The following ATRNL1 variants were observed in gnomAD, a reference collection of about 807,000 sequenced individuals.
ATRNL1 encodes the protein attractin like 1, also known as attractin-like protein 1.
ATRNL1 carries 95 observed loss-of-function variants against 182.7 expected under a neutral mutation model. That is an observed-to-expected ratio of 0.52 (90% CI 0.44 to 0.62). The LOEUF is 0.62. ATRNL1 is among the 20% of genes least tolerant of loss of function. The pLI is 0.00. For synonymous variants in ATRNL1, 576 were observed against 568.3 expected, an observed-to-expected ratio of 1.01 and a Z score of -0.19; for missense variants, 1,471 against 1,679.5, an observed-to-expected ratio of 0.88 and a Z score of 2.17.
intron 27 of ATRNL1, among the ~76,000 whole-genome samples, chr10:115,788,522 T>C (rs1006467511): frequency 6.6e-6 from 1 of 152,204 alleles, no homozygotes; most frequent in Non-Finnish European, 1.5e-5. Context: ...CTAATTATAT[T>C]TCTAGTTGCC....
chr10:115,721,162 A>G (rs1388860014), intron 26 of ATRNL1, among the ~76,000 whole-genome samples: 1 of 152,198 alleles, frequency 6.6e-6, no homozygotes, highest in Non-Finnish European at 1.5e-5. Context: ...TGCCAGGTCT[A>G]AAAATCTGTG....
intron 19 of ATRNL1, among the ~76,000 whole-genome samples, chr10:115,385,322 A>G (rs1858275197): frequency 6.6e-6 from 1 of 152,038 alleles, no homozygotes; most frequent in African/African-American, 2.4e-5. Context: ...ATATCTTTTC[A>G]TGTGTTTATT....
intron 24 of ATRNL1, among the ~76,000 whole-genome samples, chr10:115,503,033 C>A (rs1375162632): frequency 7.9e-5 from 12 of 152,052 alleles, no homozygotes; most frequent in Admixed American, 7.9e-4. Context: ...TTTACCGGGC[C>A]TGAAGATAAG....
intron 25 of ATRNL1, among the ~76,000 whole-genome samples, chr10:115,534,464 T>G (rs1787873564): frequency 6.6e-6 from 1 of 152,280 alleles, no homozygotes; most frequent in Non-Finnish European, 1.5e-5. Context: ...TTGGCAGATC[T>G]TCCTCCATCC....
At chr10:115,279,632 A>T (rs1444805730) in intron 13 of ATRNL1, among the ~76,000 whole-genome samples, 1 of 152,198 alleles carries the variant, frequency 6.6e-6, no homozygotes, top group Non-Finnish European at 1.5e-5. Flanking sequence ...CAGATTTCTA[A>T]TCATAGTCTC....
Position 115,621,276 on chromosome 10 carries a change from TAG to T in ATRNL1, c.3795+71777_3795+71778del, listed in dbSNP as rs1157745862. 3.2e-3 allele frequency among the ~76,000 whole-genome samples: 152 copies of T among 47,552 alleles called. 2 individuals are homozygous for T. The highest frequency in any genetic ancestry group is 0.01 in the African/African-American group (140 of 13,542). 31.2% of individuals were successfully genotyped at this position (47,552 alleles called of 152,430 possible). Reference sequence around the variant, plus strand: ...CTGAATATATATATATATATATATATAGAGAGAGAGAGAGAGAGAGAGAGAGA... The same window carrying T: ...CTGAATATATATATATATATATATATAGAGAGAGAGAGAGAGAGAGAGAGA... On this transcript the variant is annotated intron_variant, in intron 26 of 28. Transcript: ENST00000355044.
At chr10:115,668,403 A>C (rs1293356085) in intron 26 of ATRNL1, among the ~76,000 whole-genome samples, 1 of 152,052 alleles carries the variant, frequency 6.6e-6, no homozygotes, top group Non-Finnish European at 1.5e-5. Flanking sequence ...TATTCTATTA[A>C]TTTTTTTGTA....
chr10:115,679,075 G>T (rs1945962747), intron 26 of ATRNL1, among the ~76,000 whole-genome samples: 1 of 152,100 alleles, frequency 6.6e-6, no homozygotes, highest in South Asian at 2.1e-4. Context: ...GGATCCTGAT[G>T]CCTGGGAGGA....
intron 25 of ATRNL1, among the ~76,000 whole-genome samples, chr10:115,527,134 C>T (rs1005973415): frequency 6.6e-6 from 1 of 150,704 alleles, no homozygotes; most frequent in Non-Finnish European, 1.5e-5. Flanking sequence ...TTTTTTTCCC[C>T]CCCGAGATAG....
intron 20 of ATRNL1, among the ~76,000 whole-genome samples, chr10:115,423,103 G>A (rs1217698269): frequency 6.6e-6 from 1 of 152,124 alleles, no homozygotes; most frequent in Admixed American, 6.5e-5. Context: ...GAAAGTTTGT[G>A]ACACAAAGAA....
chr10:115,496,732 C>T (rs1849569004), intron 24 of ATRNL1, among the ~76,000 whole-genome samples: 1 of 152,210 alleles, frequency 6.6e-6, no homozygotes, highest in Non-Finnish European at 1.5e-5. Context: ...CCAGTCTGTT[C>T]TGGCTTATAA....
intron 20 of ATRNL1, among the ~76,000 whole-genome samples, chr10:115,401,472 C>T (rs1844560935): frequency 6.6e-6 from 1 of 151,970 alleles, no homozygotes; most frequent in Non-Finnish European, 1.5e-5. Flanking sequence ...GATCTCATGT[C>T]AAGACAAATA....
intron 19 of ATRNL1, among the ~76,000 whole-genome samples, chr10:115,369,536 G>T (rs535296199): frequency 6.6e-6 from 1 of 152,200 alleles, no homozygotes; most frequent in East Asian, 1.9e-4. Context: ...TAAACATGGG[G>T]AGTGCATATA....
At chr10:115,133,598 G>A (rs1845364568) in intron 5 of ATRNL1, among the ~76,000 whole-genome samples, 2 of 152,072 alleles carry the variant, frequency 1.3e-5, no homozygotes, top group Non-Finnish European at 2.9e-5. Context: ...CAATAATAAT[G>A]GGAGACTTTA....
chr10:115,439,916 A>C (rs1554965404), intron 21 of ATRNL1, among the ~76,000 whole-genome samples: 2 of 151,984 alleles, frequency 1.3e-5, no homozygotes, highest in Non-Finnish European at 2.9e-5. Flanking sequence ...TGTGTTTACC[A>C]AATGATGATT....
intron 28 of ATRNL1, among the ~76,000 whole-genome samples, chr10:115,857,875 C>T (rs1302259879): frequency 6.6e-6 from 1 of 152,298 alleles, no homozygotes; most frequent in Non-Finnish European, 1.5e-5. Flanking sequence ...GTGACCAACA[C>T]ATTTTTCTTT....
At position 115,826,441 on chromosome 10, in the gene ATRNL1, C is replaced by T. The variant is rs1448381767; in HGVS notation, c.3904-21436C>T. Among the ~76,000 whole-genome samples, 4 of 152,154 alleles carry T rather than the reference C, an allele frequency of 2.6e-5. No homozygotes were observed. The South Asian group carries it at 6.2e-4, about 24-fold the overall frequency. ...TTTTTTACTCCAGCTGCCTGCAGCT[C>T]GGTGAGCTGGAGGGAGTGGCACCCA... is the stretch of plus-strand genomic sequence containing the variant. On this transcript the variant is annotated intron_variant, in intron 27 of 28. Coordinates refer to ENST00000355044, the MANE Select transcript of ATRNL1 (RefSeq NM_207303.4).
intron 19 of ATRNL1, among the ~76,000 whole-genome samples, chr10:115,335,803 T>C (rs1554936495): frequency 1.3e-5 from 2 of 152,142 alleles, no homozygotes; most frequent in African/African-American, 4.8e-5. Flanking sequence ...ACTTGGTGCA[T>C]GGCAAATATA....
intron 19 of ATRNL1, among the ~76,000 whole-genome samples, chr10:115,385,125 A>T (rs766734036): frequency 6.6e-6 from 1 of 152,084 alleles, no homozygotes; most frequent in Non-Finnish European, 1.5e-5. Flanking sequence ...GGAAATTGTC[A>T]AACTGTTTTT....
Sources: gnomAD v4.1 joint callset for allele counts (sites outside exome capture counted in the v4.1 genomes callset) on GRCh38, gnomAD v4.1.1 for gene constraint, MANE v1.5 for transcripts, NCBI Gene and HGNC (gene_info 2026-07-23, HGNC 2026-07-21) for gene names.